RIMS1: variants seen among roughly 807,000 people sequenced by gnomAD.
RIMS1 encodes the protein regulating synaptic membrane exocytosis 1, also known as regulating synaptic membrane exocytosis protein 1.
RIMS1 carries 83 observed loss-of-function variants against 214.1 expected under a neutral mutation model. The ratio of observed to expected loss-of-function variants is 0.39; its 90% confidence interval spans 0.32 to 0.47. The LOEUF (loss-of-function observed/expected upper bound fraction) is 0.47, where lower values mean the gene tolerates loss of function less well. RIMS1 is among the 20% of genes least tolerant of loss of function. RIMS1 has a pLI of 0.99. For synonymous variants in RIMS1, 793 were observed against 786.8 expected (o/e 1.01, Z -0.13); for missense variants, 2,050 against 2,161.8 (o/e 0.95, Z 1.03).
At chr6:72,379,008 G>A (rs1478103381) in intron 29 of RIMS1, among the ~76,000 whole-genome samples, 1 of 152,148 alleles carries the variant, frequency 6.6e-6, no homozygotes, top group East Asian at 1.9e-4. Flanking sequence ...TATTAGAAGA[G>A]GAGCCTTATT....
At chr6:72,196,278 A>C (rs532915246) in intron 6 of RIMS1, among the ~76,000 whole-genome samples, 1 of 152,104 alleles carries the variant, frequency 6.6e-6, no homozygotes, top group Non-Finnish European at 1.5e-5. Context: ...AAAAGAACCT[A>C]CTGCATTATG....
At chr6:72,274,288 C>A in intron 22 of RIMS1, 61 bp from the exon 23 acceptor site, 1 of 1,176,102 alleles carries the variant, frequency 8.5e-7, no homozygotes. Context: ...TCCATGTATT[C>A]TTTTATTTTA....
At chr6:72,114,015 T>C (rs1341050461) in intron 4 of RIMS1, among the ~76,000 whole-genome samples, 1 of 152,056 alleles carries the variant, frequency 6.6e-6, no homozygotes, top group Non-Finnish European at 1.5e-5. Flanking sequence ...AAATATCAAA[T>C]GAACATTAAG....
intron 6 of RIMS1, among the ~76,000 whole-genome samples, chr6:72,202,755 G>T (rs1274717694): frequency 6.6e-6 from 1 of 152,162 alleles, no homozygotes; most frequent in Non-Finnish European, 1.5e-5. Context: ...TATGAAGAGG[G>T]TTTAATATCC....
At chr6:72,094,089 C>T (rs1322882155) in intron 2 of RIMS1, among the ~76,000 whole-genome samples, 1 of 144,602 alleles carries the variant, frequency 6.9e-6, no homozygotes, top group Non-Finnish European at 1.5e-5. Flanking sequence ...GATATGTTGT[C>T]CTCAATATGA....
chr6:72,136,356 T>C (rs77416785), intron 4 of RIMS1, among the ~76,000 whole-genome samples: 1,694 of 152,146 alleles, frequency 0.011, 10 homozygotes, highest in Non-Finnish European at 0.017. Flanking sequence ...CAAATATGCA[T>C]CTTGGTGGAA....
chr6:72,258,596 T>C (rs545734508), intron 17 of RIMS1, among the ~76,000 whole-genome samples: 1 of 152,254 alleles, frequency 6.6e-6, no homozygotes, highest in African/African-American at 2.4e-5. Context: ...TGGAGAGAAG[T>C]GGCGAAGAGG....
At position 71,962,020 on chromosome 6, in the gene RIMS1, C is replaced by T. The variant is rs936583701; in HGVS notation, c.165-6963C>T. On this transcript the variant is annotated intron_variant, in intron 1 of 33. Coordinates refer to ENST00000521978, the MANE Select transcript of RIMS1 (RefSeq NM_014989.7). ...TGGAGAAATAAACTGATTGTGTTAACAGAAAATAATAGCTTGAGTAAAAAG... is the reference window on the plus strand; with the variant it reads ...TGGAGAAATAAACTGATTGTGTTAATAGAAAATAATAGCTTGAGTAAAAAG... Among the ~76,000 whole-genome samples, 7 of 151,988 alleles carry T rather than the reference C, an allele frequency of 4.6e-5. No individual in the cohort carries two copies. The East Asian group carries it at 1.3e-3, about 29-fold the overall frequency.
chr6:71,959,941 T>C (rs974880810), intron 1 of RIMS1, among the ~76,000 whole-genome samples: 3 of 152,148 alleles, frequency 2.0e-5, no homozygotes, highest in South Asian at 2.1e-4. Context: ...TATGTGACTA[T>C]GTGACATGAC....
intron 28 of RIMS1, among the ~76,000 whole-genome samples, chr6:72,327,386 T>C (rs1376772218): frequency 1.3e-5 from 2 of 151,848 alleles, no homozygotes; most frequent in African/African-American, 4.8e-5. Context: ...ATTGTATGGA[T>C]TTAACACATT....
Position 72,257,999 on chromosome 6 carries a change from T to C in RIMS1, c.2771-126T>C, listed in dbSNP as rs1274048078. On this transcript the variant is annotated intron_variant, in intron 16 of 33. Transcript: ENST00000521978. ...ATATTTTTGAAGATAAGGCTATTAA[T>C]ACCGATTGCATGACATTTATTCTTC... 6 of 808,260 alleles carry C rather than the reference T, an allele frequency of 7.4e-6. No homozygotes were observed. In the East Asian group the frequency reaches 1.6e-4, roughly 22 times the overall value. 50.1% of individuals were successfully genotyped at this position (808,260 alleles called of 1,614,324 possible).
chr6:72,290,557 G>A (rs2093211608), intron 24 of RIMS1, 122 bp from the exon 25 acceptor site: 1 of 745,036 alleles, frequency 1.3e-6, no homozygotes, highest in African/African-American at 1.8e-5. Context: ...TTGCGTGATG[G>A]GTTCTCTTCT....
intron 6 of RIMS1, among the ~76,000 whole-genome samples, chr6:72,227,454 C>G (rs2060543977): frequency 6.6e-6 from 1 of 151,760 alleles, no homozygotes; most frequent in Admixed American, 6.6e-5. Flanking sequence ...AGTCGAATGA[C>G]TGAGCTCATG....
intron 1 of RIMS1, among the ~76,000 whole-genome samples, chr6:71,934,445 C>T (rs900746493): frequency 2.6e-5 from 4 of 152,170 alleles, no homozygotes; most frequent in Admixed American, 2.0e-4. Flanking sequence ...TTACCCTGCT[C>T]GTCACTGTAA....
At chr6:72,193,306 C>A (rs527896912) in intron 6 of RIMS1, among the ~76,000 whole-genome samples, 2 of 152,236 alleles carry the variant, frequency 1.3e-5, no homozygotes, top group Admixed American at 6.5e-5. Flanking sequence ...ACCTGTGCAT[C>A]TGGGAACACA....
intron 29 of RIMS1, among the ~76,000 whole-genome samples, chr6:72,346,096 GGAACCATA>G (rs1182094009): frequency 1.3e-5 from 2 of 151,640 alleles, no homozygotes; most frequent in Non-Finnish European, 3.0e-5. Context: ...ACTATAATAT[GGAACCATA>G]AATGGTACCT....
chr6:72,035,328 GTA>G (rs1452942860), intron 2 of RIMS1, among the ~76,000 whole-genome samples: 1 of 152,056 alleles, frequency 6.6e-6, no homozygotes, highest in Non-Finnish European at 1.5e-5. Flanking sequence ...CTTTATCAGA[GTA>G]TATGTGATTA....
chr6:72,126,599 A>T (rs1354899746), intron 4 of RIMS1: 1 of 182,452 alleles, frequency 5.5e-6, no homozygotes, highest in Non-Finnish European at 1.2e-5. Context: ...AAATAATTCC[A>T]TCAAAACATG....
At chr6:72,218,043 A>T (rs567465138) in intron 6 of RIMS1, among the ~76,000 whole-genome samples, 1 of 151,782 alleles carries the variant, frequency 6.6e-6, no homozygotes, top group East Asian at 1.9e-4. Context: ...AAAAGACACA[A>T]TTATTAAATG....
Sources: allele counts gnomAD v4.1 joint callset (sites outside exome capture counted in the v4.1 genomes callset), GRCh38; gene constraint gnomAD v4.1.1; transcripts MANE v1.5; gene names NCBI Gene and HGNC (gene_info 2026-07-23, HGNC 2026-07-21).